Variants in ATG7 observed in about 807,000 individuals in gnomAD.
The protein encoded by ATG7 is autophagy related 7, also known as ubiquitin-like modifier-activating enzyme ATG7.
Under a neutral mutation model 82.4 loss-of-function variants are expected in ATG7, and 70 were observed. The ratio of observed to expected loss-of-function variants is 0.85; its 90% CI spans 0.70 to 1.04. The LOEUF (loss-of-function observed/expected upper bound fraction) is 1.04. Ranked by LOEUF, ATG7 falls within the 50% of genes least tolerant of loss-of-function variation. The pLI is 0.00. For missense variants in ATG7, 792 were observed against 864.3 expected, an observed-to-expected ratio of 0.92 and a Z score of 1.05; for synonymous variants, 287 against 313.0, an observed-to-expected ratio of 0.92 and a Z score of 0.88.
chr3:11,326,042 C>T (rs932230756), intron 9 of ATG7, among the ~76,000 whole-genome samples: 10 of 152,078 alleles, frequency 6.6e-5, no homozygotes, highest in African/African-American at 2.4e-4. Flanking sequence ...ATTCTGGAGC[C>T]TGAAGAAATC....
At chr3:11,564,626 C>T in the ATG7 span, 2 of 783,160 alleles carry the variant, frequency 2.6e-6, no homozygotes, top group Admixed American at 5.6e-5. Flanking sequence ...TTCTGCTGTC[C>T]CTTGTCCCAA....
chr3:11,315,366 A>G lies in ATG7; in HGVS notation c.551A>G (p.Tyr184Cys), dbSNP rs945834729. The change falls in exon 9 of 21, where the codon TAT (tyrosine) becomes TGT (cysteine). Residue 184 changes from tyrosine (Y) to cysteine (C), a missense_variant. Transcript: ENST00000693202. ...LKQIEALECA[Y>C]DNLCQTEGVT... ...CAGATTGAAGCACTAGAGTGTGCAT[A>G]TGATAATCTTTGTCAAACAGAAGGA... 3 of 1,606,334 alleles carry G rather than the reference A, an allele frequency of 1.9e-6. No homozygotes were observed. Among genetic ancestry groups the G allele is most frequent in the Non-Finnish European group, 2.5e-6 (3 of 1,177,516 alleles).
chr3:11,558,379 C>T (rs1378327428), downstream of ATG7: 11 of 1,067,266 alleles, frequency 1.0e-5, no homozygotes, highest in Admixed American at 5.7e-5. Context: ...CCCCCTTGTA[C>T]GGATACCAAG....
In ATG7 at chr3:11,404,819, A is replaced by C. The variant is rs148338560; in HGVS notation, c.1957-21985A>C. ...GGAACTCCCTTTATAAAACCATCAG[A>C]TCTCGTGAGACTTATTCACTATCAT... On this transcript the variant is annotated intron_variant, in intron 19 of 20. Coordinates refer to ENST00000693202, the MANE Select transcript of ATG7 (RefSeq NM_001349232.2). 4.8e-3 allele frequency among the ~76,000 whole-genome samples: 736 copies of C among 152,114 alleles called. 6 individuals are homozygous for C. The highest frequency in any genetic ancestry group is 0.017 in the African/African-American group (705 of 41,508).
chr3:11,531,181 C>A (rs973695270), intron 20 of ATG7, among the ~76,000 whole-genome samples: 7 of 152,074 alleles, frequency 4.6e-5, no homozygotes, highest in Admixed American at 3.9e-4. Flanking sequence ...AGACTAAAAC[C>A]CCGTTGTTCT....
At chr3:11,431,204 C>G (rs994801719) in intron 20 of ATG7, among the ~76,000 whole-genome samples, 3 of 151,920 alleles carry the variant, frequency 2.0e-5, no homozygotes, top group African/African-American at 7.3e-5. Flanking sequence ...GAGTTTGAGA[C>G]CAGCCTAGCC....
At chr3:11,288,285 T>A (rs1474380996) in intron 3 of ATG7, among the ~76,000 whole-genome samples, 1 of 152,214 alleles carries the variant, frequency 6.6e-6, no homozygotes, top group East Asian at 1.9e-4. Context: ...CTGCTGAAAT[T>A]TATCTTACTA....
At chr3:11,389,925 T>C (rs73812444) in intron 19 of ATG7, among the ~76,000 whole-genome samples, 79 of 152,372 alleles carry the variant, frequency 5.2e-4, no homozygotes, top group African/African-American at 1.3e-3. Context: ...TTTTGTGTTA[T>C]GTGCGAAGGC....
rs543458617 is a variant in ATG7, at chr3:11,426,684, T to C, written c.1957-120T>C. 5.8e-5 allele frequency: 58 copies of C among 993,386 alleles called. No homozygotes were observed. The Admixed American group carries it at 1.5e-3, about 26-fold the overall frequency. 61.5% of individuals were successfully genotyped at this position (993,386 alleles called of 1,614,324 possible). A position where few individuals can be genotyped will look rare whatever the true frequency, so the allele number is the denominator to read the frequency against. On this transcript the variant is annotated intron_variant, in intron 19 of 20. Coordinates refer to ENST00000693202, the MANE Select transcript of ATG7 (RefSeq NM_001349232.2). ...TTTTGGCCACTAGATTGCATTATTA[T>C]CCCCATGTTTAATTCTCATTTTAAT...
At chr3:11,278,512 G>C (rs1015059493) in intron 1 of ATG7, among the ~76,000 whole-genome samples, 6 of 152,190 alleles carry the variant, frequency 3.9e-5, no homozygotes, top group Admixed American at 3.9e-4. Context: ...ATACCATCCT[G>C]GTTTGTTCTT....
At chr3:11,561,189 G>A (rs373055752), downstream of ATG7, among the ~76,000 whole-genome samples, 8 of 152,236 alleles carry the variant, frequency 5.3e-5, no homozygotes, top group South Asian at 2.1e-4. Flanking sequence ...TCTTTGCAGC[G>A]AGCGTGTCCT....
rs963763681 is a variant in ATG7, at chr3:11,340,744, G to A, written c.980+9G>A. ...TGTATGGACCCTAAAAGGTATATTT[G>A]GGAAGCTGTTTTCTCCAGTCGGGCT... On this transcript the variant is annotated intron_variant, in intron 12 of 20. Coordinates refer to ENST00000693202, the MANE Select transcript of ATG7 (RefSeq NM_001349232.2). The A allele has an allele frequency of 7.4e-6, 12 of 1,611,336 alleles. No homozygotes were observed. The African/African-American group carries it at 1.5e-4, about 20-fold the overall frequency.
chr3:11,341,277 G>T (rs1388439000), intron 12 of ATG7, among the ~76,000 whole-genome samples: 2 of 151,964 alleles, frequency 1.3e-5, no homozygotes, highest in African/African-American at 4.8e-5. Context: ...GCCCAGGCTG[G>T]ACTCGAACTC....
At chr3:11,492,967 T>C (rs907318315) in intron 20 of ATG7, among the ~76,000 whole-genome samples, 83 of 152,230 alleles carry the variant, frequency 5.5e-4, no homozygotes, top group African/African-American at 1.9e-3. Context: ...GTTATCAGCT[T>C]AGTGGGCCCT....
At chr3:11,277,113 C>A in intron 1 of ATG7, 1 of 152,394 alleles carries the variant, frequency 6.6e-6, no homozygotes, top group Non-Finnish European at 1.5e-5. Flanking sequence ...TTGCTATCTC[C>A]TGACTCACAT....
intron 20 of ATG7, among the ~76,000 whole-genome samples, chr3:11,492,942 C>T (rs570558100): frequency 1.3e-5 from 2 of 152,368 alleles, no homozygotes; most frequent in African/African-American, 4.8e-5. Flanking sequence ...CTCCGCCGTC[C>T]ATGGACAGCA....
chr3:11,388,320 G>A (rs1232417861), intron 19 of ATG7, among the ~76,000 whole-genome samples: 3 of 152,046 alleles, frequency 2.0e-5, no homozygotes, highest in African/African-American at 4.8e-5. Context: ...GATGGAGGAC[G>A]GTACTAACTC....
intron 20 of ATG7, among the ~76,000 whole-genome samples, chr3:11,547,078 T>C (rs938774838): frequency 6.6e-6 from 1 of 152,200 alleles, no homozygotes; most frequent in African/African-American, 2.4e-5. Context: ...TATTGTGCAT[T>C]TGCGTGACAG....
chr3:11,510,900 G>T (rs1440273710), intron 20 of ATG7, among the ~76,000 whole-genome samples: 3 of 152,158 alleles, frequency 2.0e-5, no homozygotes, highest in Non-Finnish European at 1.5e-5. Flanking sequence ...TGGGTTCTTG[G>T]TCTCACTGAC....
Sources: allele counts gnomAD v4.1 joint callset (sites outside exome capture counted in the v4.1 genomes callset), GRCh38; gene constraint gnomAD v4.1.1; transcripts MANE v1.5; gene names NCBI Gene and HGNC (gene_info 2026-07-23, HGNC 2026-07-21).